TMPRSS11F: variants seen among roughly 807,000 people sequenced by gnomAD.
The protein encoded by TMPRSS11F is transmembrane serine protease 11F.
Under a neutral mutation model 60.2 loss-of-function variants are expected in TMPRSS11F, and 47 were observed. That is an observed-to-expected ratio of 0.78 (90% confidence interval 0.62 to 1.00). The LOEUF (loss-of-function observed/expected upper bound fraction) is 1.00. TMPRSS11F is among the 50% of genes least tolerant of loss of function. The pLI is 0.00. For synonymous variants in TMPRSS11F, 166 were observed against 167.3 expected (o/e 0.99, Z 0.06); for missense variants, 519 against 522.9 (o/e 0.99, Z 0.07).
At chr4:68,080,074 G>A (rs900497635) in intron 3 of TMPRSS11F, 3 of 152,204 alleles carry the variant, frequency 2.0e-5, no homozygotes, top group Non-Finnish European at 4.4e-5. Context: ...TGCCAGCAGA[G>A]GGCAAAAACA....
rs180696359 is a variant in TMPRSS11F, at chr4:68,119,430, G to A, written c.11+10380C>T. ...ATTTTCAATATAGGCAACTTTCATA[G>A]CTAGAGAGGACAAGTCAATGCCTAG... On this transcript the variant is annotated intron_variant, in intron 1 of 9. Coordinates refer to ENST00000356291, the MANE Select transcript of TMPRSS11F (RefSeq NM_207407.2). 1.6e-3 allele frequency among the ~76,000 whole-genome samples: 248 copies of A among 152,314 alleles called. 1 individual carries two copies. Among genetic ancestry groups the A allele is most frequent in the African/African-American group, 5.8e-3 (241 of 41,572 alleles).
chr4:68,116,207 T>C (rs982418740), intron 1 of TMPRSS11F, among the ~76,000 whole-genome samples: 1 of 152,188 alleles, frequency 6.6e-6, no homozygotes, highest in Admixed American at 6.5e-5. Flanking sequence ...AATATACACG[T>C]ATTAGAATGG....
rs996278159 is a variant in TMPRSS11F, at chr4:68,059,467, T to C, written c.1017A>G (p.Gly339=). The C allele has an allele frequency of 6.2e-7, 1 of 1,612,430 alleles. No individual in the cohort carries two copies. The highest frequency in any genetic ancestry group is 1.7e-5 in the Admixed American group (1 of 59,744). Residue 339 remains glycine (G), a splice_region_variant and synonymous_variant, in exon 9 of 10, where the codon GGA becomes GGG. Coordinates refer to ENST00000356291, the MANE Select transcript of TMPRSS11F (RefSeq NM_207407.2). Reference sequence around the variant, plus strand: ...CTTGCCGAAGTGTATTTTGTATAGGTCCTATTGCACAAATGGATAAAAAAA... The same window carrying C: ...CTTGCCGAAGTGTATTTTGTATAGGCCCTATTGCACAAATGGATAAAAAAA... ...VTGFGSIVDD[G]PIQNTLRQAR... is the part of the protein sequence containing the mutation.
At chr4:68,110,575 T>C (rs527467767) in intron 1 of TMPRSS11F, among the ~76,000 whole-genome samples, 1 of 152,258 alleles carries the variant, frequency 6.6e-6, no homozygotes, top group Non-Finnish European at 1.5e-5. Flanking sequence ...ACTCTGACAT[T>C]TGTGAGCAGT....
At chr4:68,117,233 C>T (rs1460692643) in intron 1 of TMPRSS11F, among the ~76,000 whole-genome samples, 5 of 151,786 alleles carry the variant, frequency 3.3e-5, no homozygotes, top group African/African-American at 7.3e-5. Context: ...TTTGGGAGGC[C>T]GAGGGGGGCG....
At chr4:68,109,871 T>G (rs1325165676) in intron 1 of TMPRSS11F, among the ~76,000 whole-genome samples, 1 of 152,174 alleles carries the variant, frequency 6.6e-6, no homozygotes, top group Non-Finnish European at 1.5e-5. Context: ...AGATAATTGA[T>G]GACATCAAGA....
rs1350128797 is a variant in TMPRSS11F, at chr4:68,087,895, G to C, written c.282+2628C>G. Among the ~76,000 whole-genome samples, 5 of 119,734 alleles carry C rather than the reference G, an allele frequency of 4.2e-5. No individual in the cohort carries two copies. The South Asian group carries it at 1.4e-3, about 32-fold the overall frequency. The allele number at this position is 119,734 out of a possible 152,430, so 78.6% of individuals were successfully genotyped here. On this transcript the variant is annotated intron_variant, in intron 3 of 9. Transcript: ENST00000356291. ...TCCCCCCACCCCACAACAGTCCTCA[G>C]AGTGTGATGTTCCCCTTCCTGTGTC...
chr4:68,089,112 A>C (rs1344786257), intron 3 of TMPRSS11F, among the ~76,000 whole-genome samples: 1 of 152,172 alleles, frequency 6.6e-6, no homozygotes, highest in Non-Finnish European at 1.5e-5. Flanking sequence ...AATCCTAAGC[A>C]AAAAGAAAAA....
At position 68,128,538 on chromosome 4, in the gene TMPRSS11F, G is replaced by T. The variant is rs932267726; in HGVS notation, c.11+1272C>A. ...TGATATTTTCAGGGTGGAAAAGTGA[G>T]TGTTTGGAGATGATGCCGTAAGTTG... On this transcript the variant is annotated intron_variant, in intron 1 of 9. Coordinates refer to ENST00000356291, the MANE Select transcript of TMPRSS11F (RefSeq NM_207407.2). Among the ~76,000 whole-genome samples the T allele has an allele frequency of 2.0e-5, 3 of 152,038 alleles. No individual in the cohort carries two copies. The East Asian group carries it at 5.8e-4, about 29-fold the overall frequency.
intron 3 of TMPRSS11F, chr4:68,081,074 T>C (rs1373569690): frequency 6.6e-6 from 1 of 152,238 alleles, no homozygotes; most frequent in Non-Finnish European, 1.5e-5. Flanking sequence ...ATTTTTAAGA[T>C]GTCCTTTTAA....
At position 68,090,632 on chromosome 4, in the gene TMPRSS11F, G is replaced by T; in HGVS notation, c.173C>A (p.Ser58Tyr). 6.3e-7 allele frequency: 1 copy of T among 1,594,440 alleles called. No individual in the cohort carries two copies. The highest frequency in any genetic ancestry group is 8.5e-7 in the Non-Finnish European group (1 of 1,169,902). The change falls in exon 3 of 10, where the codon TCT becomes TAT. Residue 58 changes from serine to tyrosine, a missense_variant. By Grantham distance (144) the Ser-to-Tyr change is moderately radical. Transcript: ENST00000356291. ...TTTAAAAGAGGCAAGGTAATAGAAA[G>T]ACTTATCATCTGAAAGGTAAAACAA... ...VTHFVVEDDK[S>Y]FYYLASFKVT...
intron 8 of TMPRSS11F, chr4:68,063,040 G>A: frequency 1.5e-6 from 1 of 665,040 alleles, no homozygotes; most frequent in South Asian, 1.4e-5. Context: ...GGGAGTCACA[G>A]ACACATTTTA....
In TMPRSS11F at chr4:68,120,376, C is replaced by CTTT. The variant is rs34843345; in HGVS notation, c.11+9431_11+9433dup. On this transcript the variant is annotated intron_variant, in intron 1 of 9. Coordinates refer to ENST00000356291, the MANE Select transcript of TMPRSS11F (RefSeq NM_207407.2). ...ACAGCATCACATGCTACAGAGAAAT[C>CTTT]TTTTTTTTTTTTTTTTTTTTTTTTT... Among the ~76,000 whole-genome samples the CTTT allele has an allele frequency of 3.2e-4, 40 of 123,778 alleles. 2 individuals carry two copies. The highest frequency in any genetic ancestry group is 1.2e-3 in the African/African-American group (37 of 31,186). The allele number at this position is 123,778 out of a possible 152,430, so 81.2% of individuals were successfully genotyped here.
Position 68,064,736 on chromosome 4 carries a change from G to A in TMPRSS11F, c.964C>T (p.Pro322Ser), listed in dbSNP as rs772240968. The part of the protein sequence containing the change: ...VCLPDSSIKL[P>S]PKTSVFVTGF... Reference sequence around the variant, plus strand: ...GTGACGAACACACTTGTTTTAGGTGGCAACTTTATAGATGAGTCTGGGAGG... The same window carrying A: ...GTGACGAACACACTTGTTTTAGGTGACAACTTTATAGATGAGTCTGGGAGG... The change falls in exon 8 of 10, where the codon CCA becomes TCA. Residue 322 changes from proline (P) to serine (S), a missense_variant. Coordinates refer to ENST00000356291, the MANE Select transcript of TMPRSS11F (RefSeq NM_207407.2). The A allele has an allele frequency of 4.3e-5, 70 of 1,613,958 alleles. No homozygotes were observed. The highest frequency in any genetic ancestry group is 5.6e-5 in the Non-Finnish European group (66 of 1,180,024).
At chr4:68,125,720 T>A (rs1294041927) in intron 1 of TMPRSS11F, among the ~76,000 whole-genome samples, 1 of 152,144 alleles carries the variant, frequency 6.6e-6, no homozygotes, top group African/African-American at 2.4e-5. Flanking sequence ...TAAAGACTAC[T>A]GCAAATACCT....
intron 1 of TMPRSS11F, among the ~76,000 whole-genome samples, chr4:68,110,262 G>A (rs1198515671): frequency 1.3e-5 from 2 of 152,094 alleles, no homozygotes; most frequent in Non-Finnish European, 2.9e-5. Flanking sequence ...ACATGTTAAT[G>A]GTGAGAAGCA....
At chr4:68,078,738 C>G (rs1723636449) in intron 3 of TMPRSS11F, among the ~76,000 whole-genome samples, 1 of 152,092 alleles carries the variant, frequency 6.6e-6, no homozygotes, top group Non-Finnish European at 1.5e-5. Flanking sequence ...ACCCAGGAGG[C>G]CCCAGTAGTG....
At chr4:68,056,602 C>A (rs375142960) in intron 9 of TMPRSS11F, among the ~76,000 whole-genome samples, 2 of 151,994 alleles carry the variant, frequency 1.3e-5, no homozygotes, top group East Asian at 3.8e-4. Flanking sequence ...TTAAAATGTT[C>A]ATTAAAATGT....
intron 1 of TMPRSS11F, among the ~76,000 whole-genome samples, chr4:68,114,990 T>TAAAAAAAAAAAA (rs56946635): frequency 1.7e-5 from 2 of 114,396 alleles, no homozygotes; most frequent in African/African-American, 3.4e-5. Flanking sequence ...ATTCATTATT[T>TAAAAAAAAAAAA]AAAAAAAAAA....
Sources: allele counts gnomAD v4.1 joint callset (sites outside exome capture counted in the v4.1 genomes callset), GRCh38; gene constraint gnomAD v4.1.1; transcripts MANE v1.5; gene names NCBI Gene and HGNC (gene_info 2026-07-23, HGNC 2026-07-21).